Variants in MAST4 observed in about 807,000 individuals in gnomAD.
MAST4 encodes the protein microtubule-associated serine/threonine-protein kinase 4.
Under a neutral mutation model 162.7 loss-of-function variants are expected in MAST4, and 89 were observed. That is an observed-to-expected ratio of 0.55 (90% CI 0.46 to 0.65). The LOEUF (loss-of-function observed/expected upper bound fraction) is 0.65. Ranked by LOEUF, MAST4 falls within the 30% of genes least tolerant of loss-of-function variation. The probability of loss-of-function intolerance (pLI) is 0.00; values close to 1 mark genes in which losing one functional copy is unlikely to be tolerated. For synonymous variants in MAST4, 1,479 were observed against 1,361.1 expected, an observed-to-expected ratio of 1.09 and a Z score of -1.91; for missense variants, 3,153 against 3,374.0, an observed-to-expected ratio of 0.93 and a Z score of 1.62.
intron 5 of MAST4, among the ~76,000 whole-genome samples, chr5:67,058,675 T>A (rs1759169723): frequency 6.6e-6 from 1 of 152,214 alleles, no homozygotes; most frequent in Non-Finnish European, 1.5e-5. Flanking sequence ...CATGTTGTCA[T>A]TTCATGTGCA....
chr5:66,852,069 T>C (rs1759353421), intron 3 of MAST4, among the ~76,000 whole-genome samples: 2 of 152,292 alleles, frequency 1.3e-5, no homozygotes, highest in South Asian at 4.1e-4. Context: ...ATAATGGAAG[T>C]TTACTAAATA....
At chr5:67,095,575 G>T in intron 6 of MAST4, 22 bp from the exon 7 acceptor site, 1 of 1,593,870 alleles carries the variant, frequency 6.3e-7, no homozygotes, top group South Asian at 1.1e-5. Flanking sequence ...GTTGGCCTAA[G>T]CTAAACTCAC....
rs544778639 is a variant in MAST4, at chr5:66,596,619, C to G, written c.-37C>G. 6 of 1,397,294 alleles carry G rather than the reference C, an allele frequency of 4.3e-6. No individual in the cohort carries two copies. The African/African-American group carries it at 8.9e-5, about 21-fold the overall frequency. 86.6% of individuals were successfully genotyped at this position (1,397,294 alleles called of 1,614,324 possible). ...GGAGGCGCTGAGTGCGCGCCGCGCC[C>G]CCGCCGCTCGGGAGGCACTTTGGGC... On this transcript the variant is annotated 5_prime_UTR_variant, in exon 1 of 29. Coordinates refer to ENST00000403625, the MANE Select transcript of MAST4 (RefSeq NM_001164664.2).
At chr5:66,724,879 T>G (rs1442406275) in intron 1 of MAST4, among the ~76,000 whole-genome samples, 1 of 152,032 alleles carries the variant, frequency 6.6e-6, no homozygotes, top group Admixed American at 6.6e-5. Context: ...GTCAATAATT[T>G]TTACTTAAAG....
chr5:66,725,117 C>T (rs1751430759), intron 1 of MAST4, among the ~76,000 whole-genome samples: 1 of 151,262 alleles, frequency 6.6e-6, no homozygotes, highest in Admixed American at 6.6e-5. Flanking sequence ...TAAATTTCTG[C>T]CAATTTTGTT....
chr5:66,619,197 A>G (rs541244350), intron 1 of MAST4, among the ~76,000 whole-genome samples: 2 of 152,224 alleles, frequency 1.3e-5, no homozygotes, highest in East Asian at 1.9e-4. Flanking sequence ...ACGGTTTTGC[A>G]TTTGGGGACT....
At position 66,615,825 on chromosome 5, in the gene MAST4, T is replaced by C. The variant is rs368485817; in HGVS notation, c.363+18807T>C. Among the ~76,000 whole-genome samples the C allele has an allele frequency of 2.6e-5, 4 of 152,132 alleles. No homozygotes were observed. In the East Asian group the frequency reaches 5.8e-4, roughly 22 times the overall value. ...CCTTGACTCAAAGAAAGAAAAAGTA[T>C]TGAGATCCAGACAGACTGAAAAGGA... On this transcript the variant is annotated intron_variant, in intron 1 of 28. Coordinates refer to ENST00000403625, the MANE Select transcript of MAST4 (RefSeq NM_001164664.2).
At chr5:67,048,837 T>G (rs1018981080) in intron 4 of MAST4, among the ~76,000 whole-genome samples, 1 of 151,400 alleles carries the variant, frequency 6.6e-6, no homozygotes, top group Non-Finnish European at 1.5e-5. Context: ...TCGTCTGCTA[T>G]ACAAAGCCCA....
chr5:66,919,099 AACACACACACACACACACAC>A (rs56340246), intron 4 of MAST4, among the ~76,000 whole-genome samples: 1 of 142,208 alleles, frequency 7.0e-6, no homozygotes, highest in Admixed American at 7.0e-5. Context: ...CGAGACTCTC[AACACACACACACACACACAC>A]ACACACACAC....
At chr5:67,067,427 A>G (rs1760380544) in intron 5 of MAST4, among the ~76,000 whole-genome samples, 1 of 152,224 alleles carries the variant, frequency 6.6e-6, no homozygotes, top group Non-Finnish European at 1.5e-5. Flanking sequence ...GTACAACAAC[A>G]GTGTCAAGTT....
chr5:66,992,055 A>G (rs34691), intron 4 of MAST4, among the ~76,000 whole-genome samples: 81,019 of 152,132 alleles, frequency 0.53, 22,262 homozygotes, highest in East Asian at 0.66. Flanking sequence ...TATTAAAACA[A>G]TGATAGCAGA....
intron 1 of MAST4, among the ~76,000 whole-genome samples, chr5:66,623,524 A>C (rs147003085): frequency 5.7e-4 from 87 of 152,364 alleles, no homozygotes; most frequent in African/African-American, 2.0e-3. Context: ...ACAGCATAGA[A>C]GATAAAAACA....
intron 4 of MAST4, among the ~76,000 whole-genome samples, chr5:67,007,288 G>A (rs1291200622): frequency 1.3e-5 from 2 of 152,058 alleles, no homozygotes; most frequent in East Asian, 1.9e-4. Flanking sequence ...GTACCTTACC[G>A]GGCTGAGTAG....
At chr5:66,775,373 A>G (rs879410500) in intron 2 of MAST4, among the ~76,000 whole-genome samples, 4 of 152,050 alleles carry the variant, frequency 2.6e-5, no homozygotes, top group Non-Finnish European at 4.4e-5. Flanking sequence ...AGCTGGCAAA[A>G]CTGTTACTAT....
intron 1 of MAST4, among the ~76,000 whole-genome samples, chr5:66,635,946 GTTTTTTTTTTTTTTTT>G (rs530576186): frequency 1.5e-4 from 6 of 41,278 alleles, no homozygotes; most frequent in East Asian, 1.8e-3. Context: ...GATAGAGACT[GTTTTTTTTTTTTTTTT>G]TTTTTTTTTT....
At chr5:66,625,540 T>C (rs767289938) in intron 1 of MAST4, among the ~76,000 whole-genome samples, 1 of 152,104 alleles carries the variant, frequency 6.6e-6, no homozygotes, top group Non-Finnish European at 1.5e-5. Flanking sequence ...CCTAAATAGG[T>C]ACTTGTCAAA....
chr5:66,621,357 T>C (rs10063997), intron 1 of MAST4, among the ~76,000 whole-genome samples: 29,759 of 152,190 alleles, frequency 0.2, 3,015 homozygotes, highest in Non-Finnish European at 0.22. Flanking sequence ...TCTCGCAGTG[T>C]GCTATTGTAT....
In MAST4 at chr5:67,164,855, T is replaced by G. The variant is rs1445125481; in HGVS notation, c.5676T>G (p.Pro1892=). ...AGAATTCACCAGCAGTTTCCCTGCC[T>G]GACCCAGAGTTCAAGAGGGACAGGA... is the stretch of plus-strand genomic sequence containing the variant. The part of the protein sequence containing the change: ...GLQNSPAVSL[P]DPEFKRDRKG... Residue 1892 remains proline (P), a synonymous_variant, in exon 29 of 29, where the codon CCT becomes CCG. Coordinates refer to ENST00000403625, the MANE Select transcript of MAST4 (RefSeq NM_001164664.2). The surrounding 1 kb of genome is among the most constrained non-coding windows in gnomAD (Gnocchi z 5.3). The G allele has an allele frequency of 1.2e-6, 2 of 1,614,028 alleles. No homozygotes were observed. The highest frequency in any genetic ancestry group is 1.7e-6 in the Non-Finnish European group (2 of 1,179,892).
At chr5:67,159,520 G>A (rs1772944749) in intron 26 of MAST4, among the ~76,000 whole-genome samples, 1 of 152,122 alleles carries the variant, frequency 6.6e-6, no homozygotes, top group African/African-American at 2.4e-5. Flanking sequence ...TGAGCTCTAG[G>A]TATCTTCCAG....
Sources: allele counts gnomAD v4.1 joint callset (sites outside exome capture counted in the v4.1 genomes callset), GRCh38; gene constraint gnomAD v4.1.1; non-coding constraint Gnocchi (gnomAD v3.1); transcripts MANE v1.5; gene names NCBI Gene and HGNC (gene_info 2026-07-23, HGNC 2026-07-21).